EXOC6B: variants seen among roughly 807,000 people sequenced by gnomAD.
EXOC6B encodes SEC15 homolog B.
In EXOC6B, 54 loss-of-function variants were observed where a neutral mutation model predicts 113.5. That is an observed-to-expected ratio of 0.48 (90% confidence interval 0.38 to 0.60). The LOEUF is 0.60. Ranked by LOEUF, EXOC6B falls within the 20% of genes least tolerant of loss-of-function variation. The pLI is 0.00. For synonymous variants in EXOC6B, 357 were observed against 339.0 expected, an observed-to-expected ratio of 1.05 and a Z score of -0.58; for missense variants, 797 against 977.5, an observed-to-expected ratio of 0.82 and a Z score of 2.46.
chr2:72,338,372 C>G (rs1008591974), intron 19 of EXOC6B, among the ~76,000 whole-genome samples: 4 of 151,734 alleles, frequency 2.6e-5, no homozygotes, highest in African/African-American at 9.7e-5. Context: ...GCTGGTAGCT[C>G]AAAAAAGGTT....
At chr2:72,217,136 G>C (rs779621183) in intron 20 of EXOC6B, among the ~76,000 whole-genome samples, 1 of 151,782 alleles carries the variant, frequency 6.6e-6, no homozygotes, top group Non-Finnish European at 1.5e-5. Context: ...TGAACTAAAG[G>C]TTTACACTGT....
chr2:72,700,281 C>T (rs957061580), intron 6 of EXOC6B, among the ~76,000 whole-genome samples: 14 of 134,020 alleles, frequency 1.0e-4, no homozygotes, highest in Non-Finnish European at 2.1e-4. Context: ...CAAAGTTATC[C>T]GTGTCAACCA....
intron 6 of EXOC6B, among the ~76,000 whole-genome samples, chr2:72,625,280 T>A (rs1347152988): frequency 6.6e-6 from 1 of 150,910 alleles, no homozygotes; most frequent in South Asian, 2.1e-4. Context: ...TACCTAAAAA[T>A]ATATATATAT....
intron 12 of EXOC6B, among the ~76,000 whole-genome samples, chr2:72,499,696 T>C (rs1700223109): frequency 6.6e-6 from 1 of 151,986 alleles, no homozygotes; most frequent in East Asian, 1.9e-4. Context: ...ACTGGTGATT[T>C]TTTATGTTTT....
In EXOC6B at chr2:72,741,749, TTAAC is replaced by T. The variant is rs373180215; in HGVS notation, c.114-284_114-281del. On this transcript the variant is annotated intron_variant, in intron 1 of 21. Transcript: ENST00000272427. ...CTCCCTTGTATCTTTCTTTTTCAAT[TTAAC>T]TAGTCTAGAAAAGCTCAATTTTAGT... Among the ~76,000 whole-genome samples, 23 of 152,336 alleles carry T rather than the reference TTAAC, an allele frequency of 1.5e-4. 2 individuals carry two copies. Among genetic ancestry groups the T allele is most frequent in the African/African-American group, 4.6e-4 (19 of 41,574 alleles).
rs80049942 is a variant in EXOC6B at position 72,245,279 on chromosome 2, C to T, written c.2197-61092G>A. On this transcript the variant is annotated intron_variant, in intron 20 of 21. Transcript: ENST00000272427. The stretch of plus-strand genomic sequence containing the variant: ...AAAATGGTGGGTATTGGGAAAAGAA[C>T]AGACAAAGAGATCAATGGGACAGAA... Among the ~76,000 whole-genome samples, 539 of 152,202 alleles carry T rather than the reference C, an allele frequency of 3.5e-3. 8 individuals carry two copies. The highest frequency in any genetic ancestry group is 5.8e-3 in the South Asian group (28 of 4,828).
intron 1 of EXOC6B, among the ~76,000 whole-genome samples, chr2:72,781,514 A>G (rs985761530): frequency 6.6e-6 from 1 of 152,342 alleles, no homozygotes; most frequent in Middle Eastern, 3.4e-3. Flanking sequence ...GACATATGGC[A>G]TCTATCACAA....
chr2:72,615,359 C>A (rs552995924), intron 6 of EXOC6B, among the ~76,000 whole-genome samples: 9 of 152,048 alleles, frequency 5.9e-5, no homozygotes, highest in African/African-American at 1.7e-4. Flanking sequence ...CTTCAAAAGT[C>A]CAACTTCAGT....
chr2:72,649,191 TAC>T (rs1451730585), intron 6 of EXOC6B, among the ~76,000 whole-genome samples: 2 of 152,146 alleles, frequency 1.3e-5, no homozygotes, highest in Admixed American at 1.3e-4. Context: ...GAATGATGTT[TAC>T]CACAGGCTGG....
chr2:72,795,147 A>C (rs889854924), intron 1 of EXOC6B, among the ~76,000 whole-genome samples: 2 of 152,188 alleles, frequency 1.3e-5, no homozygotes, highest in African/African-American at 4.8e-5. Flanking sequence ...CTAGGGTTGG[A>C]AGATAGAATT....
At chr2:72,434,015 G>A (rs1193069865) in intron 18 of EXOC6B, among the ~76,000 whole-genome samples, 7 of 152,016 alleles carry the variant, frequency 4.6e-5, no homozygotes, top group South Asian at 2.1e-4. Flanking sequence ...GCTTTTGCCC[G>A]TTTGGTATGA....
intron 1 of EXOC6B, among the ~76,000 whole-genome samples, chr2:72,803,306 C>CAA (rs762977532): frequency 1.6e-5 from 2 of 123,892 alleles, no homozygotes; most frequent in African/African-American, 2.9e-5. Flanking sequence ...AAATTCTGAG[C>CAA]AAAAAAAAAA....
At chr2:72,266,027 T>C (rs1351895734) in intron 20 of EXOC6B, among the ~76,000 whole-genome samples, 6 of 152,270 alleles carry the variant, frequency 3.9e-5, no homozygotes, top group Non-Finnish European at 8.8e-5. Flanking sequence ...TTTTTTCATG[T>C]GTCTTTTGGC....
intron 18 of EXOC6B, among the ~76,000 whole-genome samples, chr2:72,433,265 T>TA (rs34054027): frequency 0.37 from 56,873 of 151,998 alleles, 16,028 homozygotes; most frequent in African/African-American, 0.79. Flanking sequence ...TCCATTGGTC[T>TA]TATATCTGTT....
chr2:72,339,911 T>C (rs1353041240), intron 19 of EXOC6B, among the ~76,000 whole-genome samples: 1 of 152,120 alleles, frequency 6.6e-6, no homozygotes, highest in Non-Finnish European at 1.5e-5. Context: ...CAAATATATA[T>C]GAGATATGGT....
intron 1 of EXOC6B, among the ~76,000 whole-genome samples, chr2:72,758,007 A>G (rs1031241121): frequency 9.2e-5 from 14 of 152,072 alleles, no homozygotes; most frequent in Admixed American, 7.2e-4. Context: ...ACAAAAGGTT[A>G]TAAGAATTAG....
At chr2:72,506,281 C>G (rs989543838) in intron 11 of EXOC6B, among the ~76,000 whole-genome samples, 1 of 152,122 alleles carries the variant, frequency 6.6e-6, no homozygotes, top group South Asian at 2.1e-4. Context: ...GAAGATAAAA[C>G]TGCCTAGATA....
At chr2:72,728,151 T>C (rs1320533702) in intron 5 of EXOC6B, among the ~76,000 whole-genome samples, 2 of 152,118 alleles carry the variant, frequency 1.3e-5, no homozygotes, top group South Asian at 2.1e-4. Flanking sequence ...GAAATCACCA[T>C]AGAGAACAAC....
chr2:72,213,337 T>C (rs1011956198), intron 20 of EXOC6B, among the ~76,000 whole-genome samples: 1 of 152,200 alleles, frequency 6.6e-6, no homozygotes, highest in African/African-American at 2.4e-5. Flanking sequence ...ACAAATAAAA[T>C]GGTTGTTACT....
Sources: allele counts gnomAD v4.1 joint callset (sites outside exome capture counted in the v4.1 genomes callset), GRCh38; gene constraint gnomAD v4.1.1; transcripts MANE v1.5; gene names NCBI Gene and HGNC (gene_info 2026-07-23, HGNC 2026-07-21).